RBPMS: variants seen among roughly 807,000 people sequenced by gnomAD.
RBPMS encodes the protein RNA-binding protein with multiple splicing.
RBPMS carries 7 observed loss-of-function variants against 26.8 expected under a neutral mutation model. That is an observed-to-expected ratio of 0.26 (90% CI 0.15 to 0.49). RBPMS has a LOEUF of 0.49. RBPMS is among the 20% of genes least tolerant of loss of function. The pLI is 0.98. For missense variants in RBPMS, 186 were observed against 250.0 expected, an observed-to-expected ratio of 0.74 and a Z score of 1.73; for synonymous variants, 96 against 93.3, an observed-to-expected ratio of 1.03 and a Z score of -0.17.
chr8:30,436,017 G>T lies in RBPMS; in HGVS notation c.67-38762G>T, dbSNP rs557081732. 3.3e-5 allele frequency among the ~76,000 whole-genome samples: 5 copies of T among 152,246 alleles called. No individual in the cohort carries two copies. In the South Asian group the frequency reaches 1.0e-3, roughly 32 times the overall value. On this transcript the variant is annotated intron_variant, in intron 1 of 8. Coordinates refer to ENST00000397323, the MANE Select transcript of RBPMS (RefSeq NM_001008710.3). ...GGACTATATTGATCTGAAATATAAA[G>T]AATTGGGGGAATGTGGGTAAGTACA... is the stretch of plus-strand genomic sequence containing the variant.
At chr8:30,529,928 T>C (rs1320063827) in intron 5 of RBPMS, among the ~76,000 whole-genome samples, 3 of 151,968 alleles carry the variant, frequency 2.0e-5, no homozygotes, top group African/African-American at 7.3e-5. Context: ...CAATTTTGTA[T>C]TTTTTTACTA....
At chr8:30,537,095 T>C (rs193252769) in intron 5 of RBPMS, among the ~76,000 whole-genome samples, 1 of 152,222 alleles carries the variant, frequency 6.6e-6, no homozygotes, top group African/African-American at 2.4e-5. Context: ...AATGTCCCCA[T>C]GTGATGAGTA....
At chr8:30,450,088 G>A (rs1366161803) in intron 1 of RBPMS, among the ~76,000 whole-genome samples, 1 of 152,234 alleles carries the variant, frequency 6.6e-6, no homozygotes, top group African/African-American at 2.4e-5. Flanking sequence ...ATTAAAATAA[G>A]TTAGTGCATG....
chr8:30,508,294 T>A (rs993631044), intron 5 of RBPMS, among the ~76,000 whole-genome samples: 1 of 152,174 alleles, frequency 6.6e-6, no homozygotes, highest in Non-Finnish European at 1.5e-5. Context: ...AAATAAATTA[T>A]TTGTTGTTTA....
chr8:30,552,439 C>G (rs1236403903), intron 6 of RBPMS: 3 of 152,114 alleles, frequency 2.0e-5, no homozygotes, highest in African/African-American at 7.2e-5. Context: ...TTTGTGCTGC[C>G]GGTGGGGAAG....
chr8:30,417,061 G>C (rs1810169908), intron 1 of RBPMS, among the ~76,000 whole-genome samples: 1 of 152,330 alleles, frequency 6.6e-6, no homozygotes, highest in South Asian at 2.1e-4. Flanking sequence ...GTGAACCACT[G>C]CTCCTGGCCT....
At chr8:30,410,191 C>CACACACACAG (rs1809185492) in intron 1 of RBPMS, among the ~76,000 whole-genome samples, 1 of 143,184 alleles carries the variant, frequency 7.0e-6, no homozygotes, top group Non-Finnish European at 1.5e-5. Context: ...CACACACACA[C>CACACACACAG]TTAACTGCTA....
intron 1 of RBPMS, among the ~76,000 whole-genome samples, chr8:30,441,186 G>C (rs1813034897): frequency 6.6e-6 from 1 of 152,120 alleles, no homozygotes; most frequent in Non-Finnish European, 1.5e-5. Context: ...AAATAACTTT[G>C]AGCACCTGGG....
In RBPMS at chr8:30,572,129, G is replaced by C. The variant is rs144123830; in HGVS notation, c.*1604G>C. The C allele has an allele frequency of 6.6e-6, 1 of 152,194 alleles. No individual in the cohort carries two copies. The highest frequency in any genetic ancestry group is 6.5e-5 in the Admixed American group (1 of 15,276). The allele number at this position is 152,194 out of a possible 1,614,324, so 9.4% of individuals were successfully genotyped here. ...CTGCTTATGCCCTCAGTGCCAATCG[G>C]CTCTTGGTGAGATGACTGTACTCCT... On this transcript the variant is annotated 3_prime_UTR_variant, in exon 9 of 9. Transcript: ENST00000397323.
intron 1 of RBPMS, among the ~76,000 whole-genome samples, chr8:30,446,318 A>G (rs1813757185): frequency 6.6e-6 from 1 of 152,126 alleles, no homozygotes; most frequent in Admixed American, 6.5e-5. Context: ...ATTGCCTTTA[A>G]TGTAAGAATG....
At chr8:30,550,986 G>A (rs897816405) in intron 6 of RBPMS, among the ~76,000 whole-genome samples, 1 of 152,186 alleles carries the variant, frequency 6.6e-6, no homozygotes, top group Non-Finnish European at 1.5e-5. Flanking sequence ...ATTCCTCCCT[G>A]GACTTTCTGG....
intron 5 of RBPMS, among the ~76,000 whole-genome samples, chr8:30,528,036 G>T (rs933545058): frequency 6.6e-6 from 1 of 152,140 alleles, no homozygotes; most frequent in Non-Finnish European, 1.5e-5. Context: ...TTAGCCGGGC[G>T]TGGTGGCGGG....
intron 6 of RBPMS, chr8:30,556,773 T>A: frequency 1.0e-6 from 1 of 986,006 alleles, no homozygotes; most frequent in Non-Finnish European, 1.2e-6. Flanking sequence ...TGGATTCAGA[T>A]GCACCAGGCC....
intron 5 of RBPMS, among the ~76,000 whole-genome samples, chr8:30,533,160 T>C (rs1179979548): frequency 6.6e-6 from 1 of 152,206 alleles, no homozygotes; most frequent in East Asian, 1.9e-4. Context: ...AACTGGAGAC[T>C]GCCCAGTTAT....
chr8:30,459,663 A>G (rs138490758), intron 1 of RBPMS, among the ~76,000 whole-genome samples: 18 of 152,302 alleles, frequency 1.2e-4, no homozygotes, highest in African/African-American at 4.3e-4. Flanking sequence ...TTGAGACCCA[A>G]CAAGGTCAGT....
chr8:30,542,659 A>AAT (rs1195244956), intron 5 of RBPMS, among the ~76,000 whole-genome samples: 1 of 152,266 alleles, frequency 6.6e-6, no homozygotes, highest in African/African-American at 2.4e-5. Flanking sequence ...AATGTCTTAA[A>AAT]ATAGCCTGGT....
intron 8 of RBPMS, 70 bp from the exon 9 acceptor site, chr8:30,570,567 C>G (rs1437475580): frequency 6.5e-6 from 1 of 152,760 alleles, no homozygotes; most frequent in East Asian, 1.9e-4. Flanking sequence ...ACAGCATCTC[C>G]AGGACAAAGC....
At chr8:30,435,800 GT>G (rs1383279047) in intron 1 of RBPMS, among the ~76,000 whole-genome samples, 1 of 152,094 alleles carries the variant, frequency 6.6e-6, no homozygotes, top group Non-Finnish European at 1.5e-5. Flanking sequence ...ACAACCTTTG[GT>G]TAGATAATTA....
rs34489233 is a variant in RBPMS at position 30,410,143 on chromosome 8, TACACACACAC to T, written c.66+25024_66+25033del. ...AGCTTACATTCTGGGTGACTTAAAA[TACACACACAC>T]ACACACACACACACACACACACACA... On this transcript the variant is annotated intron_variant, in intron 1 of 8. Transcript: ENST00000397323. Among the ~76,000 whole-genome samples, 748 of 132,192 alleles carry T rather than the reference TACACACACAC, an allele frequency of 5.7e-3. 2 individuals are homozygous for T. Among genetic ancestry groups the T allele is most frequent in the African/African-American group, 9.6e-3 (351 of 36,652 alleles). The allele number at this position is 132,192 out of a possible 152,430, so 86.7% of individuals were successfully genotyped here.
Sources: gnomAD v4.1 joint callset for allele counts (sites outside exome capture counted in the v4.1 genomes callset) on GRCh38, gnomAD v4.1.1 for gene constraint, MANE v1.5 for transcripts, NCBI Gene and HGNC (gene_info 2026-07-23, HGNC 2026-07-21) for gene names.